The following TRIM36 variants were observed in gnomAD, a reference collection of about 807,000 sequenced individuals.
TRIM36 encodes E3 ubiquitin-protein ligase TRIM36.
A neutral mutation model predicts 72.4 loss-of-function variants in TRIM36; 42 were observed. That is an observed-to-expected ratio of 0.58 (90% CI 0.45 to 0.75). The LOEUF (loss-of-function observed/expected upper bound fraction) is 0.75, where lower values mean the gene tolerates loss of function less well. Ranked by LOEUF, TRIM36 falls within the 30% of genes least tolerant of loss-of-function variation. The probability of loss-of-function intolerance (pLI) is 0.00; values close to 1 mark genes in which losing one functional copy is unlikely to be tolerated. For missense variants in TRIM36, 913 were observed against 857.1 expected, an observed-to-expected ratio of 1.07 and a Z score of -0.81; for synonymous variants, 315 against 282.8, an observed-to-expected ratio of 1.11 and a Z score of -1.14.
Position 115,133,959 on chromosome 5 carries a change from C to T in TRIM36, c.1399G>A (p.Glu467Lys), listed in dbSNP as rs1380165741. The T allele has an allele frequency of 6.2e-7, 1 of 1,613,890 alleles. No homozygotes were observed. Among genetic ancestry groups the T allele is most frequent in the South Asian group, 1.1e-5 (1 of 91,038 alleles). Residue 467 changes from glutamate (E) to lysine (K), a missense_variant, in exon 8 of 10, where the codon GAA becomes AAA. Physicochemically the swap from Glu to Lys is moderately conservative, Grantham distance 56. Transcript: ENST00000513154. ...CGTSKIIQDLENSSTYAFRVR... is the reference protein window; with the variant it reads ...CGTSKIIQDLKNSSTYAFRVR... ...CTGAAAGCATAGGTACTACTGTTTT[C>T]CAAGTCTTGAATTATTTTACTTGTT...
chr5:115,176,585 T>A (rs368273294), intron 1 of TRIM36, among the ~76,000 whole-genome samples: 50 of 152,316 alleles, frequency 3.3e-4, no homozygotes, highest in African/African-American at 1.2e-3. Context: ...TATTTACACA[T>A]AAATGTAAAT....
At chr5:115,156,987 C>G (rs536674041) in intron 2 of TRIM36, among the ~76,000 whole-genome samples, 134 of 152,120 alleles carry the variant, frequency 8.8e-4, no homozygotes, top group Admixed American at 1.4e-3. Context: ...ACAATCCCAT[C>G]AAAAAGTGGG....
chr5:115,171,329 A>C, upstream of TRIM36: 6 of 1,487,042 alleles, frequency 4.0e-6, no homozygotes, highest in Non-Finnish European at 5.5e-6. Flanking sequence ...AAGCTTTGCC[A>C]GGTAATAATG....
At position 115,126,864 on chromosome 5, in the gene TRIM36, C is replaced by T; in HGVS notation, c.1797-7G>A. The T allele has an allele frequency of 6.3e-7, 1 of 1,599,138 alleles. No individual in the cohort carries two copies. Among genetic ancestry groups the T allele is most frequent in the Non-Finnish European group, 8.5e-7 (1 of 1,172,604 alleles). ...CCCACTGTCTTGCTCATATCTGAAA[C>T]ATAATACAAAGCATCTGTATCTTCA... is the stretch of plus-strand genomic sequence containing the variant. On this transcript the variant is annotated splice_polypyrimidine_tract_variant and splice_region_variant and intron_variant, in intron 9 of 9. Transcript: ENST00000513154.
chr5:115,148,898 T>C (rs934722606), intron 2 of TRIM36: 2 of 152,180 alleles, frequency 1.3e-5, no homozygotes, highest in African/African-American at 2.4e-5. Context: ...CCTTTGCATA[T>C]AACTGTCATC....
intron 1 of TRIM36, among the ~76,000 whole-genome samples, chr5:115,178,873 C>T (rs1366803883): frequency 6.6e-6 from 1 of 152,164 alleles, no homozygotes; most frequent in Non-Finnish European, 1.5e-5. Flanking sequence ...AAACCAGCTC[C>T]CCAGCCCTGG....
chr5:115,177,410 C>T (rs1464936828), intron 1 of TRIM36: 3 of 605,230 alleles, frequency 5.0e-6, no homozygotes, highest in Non-Finnish European at 6.5e-6. Context: ...GGCAGGCCAA[C>T]TACAGGCCTC....
intron 9 of TRIM36, among the ~76,000 whole-genome samples, chr5:115,127,772 T>A (rs1200235934): frequency 6.6e-6 from 1 of 152,208 alleles, no homozygotes. Context: ...TATGCAATGC[T>A]TTTATTGTTA....
At chr5:115,159,202 A>G (rs1754344917) in intron 2 of TRIM36, among the ~76,000 whole-genome samples, 1 of 152,228 alleles carries the variant, frequency 6.6e-6, no homozygotes, top group African/African-American at 2.4e-5. Flanking sequence ...CTCTATATGT[A>G]TAAAACGAGC....
chr5:115,160,744 G>A (rs528711779), intron 2 of TRIM36, among the ~76,000 whole-genome samples: 1 of 152,302 alleles, frequency 6.6e-6, no homozygotes, highest in African/African-American at 2.4e-5. Flanking sequence ...TATGTAGGAG[G>A]CTGAGGCAGG....
chr5:115,136,767 A>T (rs903157660), intron 7 of TRIM36, among the ~76,000 whole-genome samples: 2 of 152,258 alleles, frequency 1.3e-5, no homozygotes, highest in Non-Finnish European at 2.9e-5. Flanking sequence ...AATACATACA[A>T]CATAATGCTA....
chr5:115,170,766 A>AC (rs558638359), upstream of TRIM36, among the ~76,000 whole-genome samples: 184 of 151,884 alleles, frequency 1.2e-3, 1 homozygote, highest in Non-Finnish European at 2.2e-3. Context: ...CAAGGGAGAG[A>AC]CCCCCCGCCA....
intron 1 of TRIM36, chr5:115,168,905 G>C (rs188357598): frequency 1.3e-5 from 2 of 152,192 alleles, no homozygotes; most frequent in African/African-American, 2.4e-5. Flanking sequence ...CCATTTTCTT[G>C]TACATAAAGC....
At position 115,169,750 on chromosome 5, in the gene TRIM36, G is replaced by A. The variant is rs1754994781; in HGVS notation, c.-116C>T. The A allele has an allele frequency of 2.1e-6, 3 of 1,428,924 alleles. No individual in the cohort carries two copies. Among genetic ancestry groups the A allele is most frequent in the Admixed American group, 2.3e-5 (1 of 43,294 alleles). The allele number at this position is 1,428,924 out of a possible 1,614,324, so 88.5% of individuals were successfully genotyped here. ...GTGGAGCCTCGGTCCGAAGCTGGAA[G>A]ATGAGCTGGTCAGCTGTACGTGGCC... is the stretch of plus-strand genomic sequence containing the variant. On this transcript the variant is annotated 5_prime_UTR_variant, in exon 1 of 10. Transcript: ENST00000513154.
chr5:115,177,324 AT>A (rs1755380991), intron 1 of TRIM36: 1 of 182,378 alleles, frequency 5.5e-6, no homozygotes, highest in African/African-American at 2.4e-5. Context: ...GATGAAACAA[AT>A]CTGGGGGAAA....
Position 115,126,517 on chromosome 5 carries a change from G to T in TRIM36, c.2137C>A (p.Gln713Lys), listed in dbSNP as rs3749745. ...AGATGTTTCAACTACATGTCCTCTT[G>T]GTATTCCAGATATTTTGCTGTGATG... ...EPITAKYLEYQEDM is the reference protein window; with the variant it reads ...EPITAKYLEYKEDM The change falls in exon 10 of 10, where the codon CAA (glutamine) becomes AAA (lysine). Residue 713 changes from glutamine (Q) to lysine (K), a missense_variant. By Grantham distance (53) the Gln-to-Lys change is moderately conservative (BLOSUM62 1). Transcript: ENST00000513154. 6.2e-7 allele frequency: 1 copy of T among 1,606,928 alleles called. No individual in the cohort carries two copies. Among genetic ancestry groups the T allele is most frequent in the African/African-American group, 1.3e-5 (1 of 74,752 alleles).
intron 1 of TRIM36, among the ~76,000 whole-genome samples, chr5:115,164,591 C>G (rs2126934598): frequency 6.6e-6 from 1 of 152,302 alleles, no homozygotes; most frequent in South Asian, 2.1e-4. Context: ...ATCACAAGAA[C>G]AGCATGGGGA....
At chr5:115,145,964 A>G (rs73251518) in intron 3 of TRIM36, among the ~76,000 whole-genome samples, 7,335 of 152,272 alleles carry the variant, frequency 0.048, 642 homozygotes, top group African/African-American at 0.17. Context: ...GAATTTTACT[A>G]TATTGAGTAG....
At chr5:115,141,763 C>T (rs1202223291) in intron 4 of TRIM36, among the ~76,000 whole-genome samples, 4 of 152,108 alleles carry the variant, frequency 2.6e-5, no homozygotes, top group Non-Finnish European at 5.9e-5. Flanking sequence ...TTTACTCTCA[C>T]AAACACCCAC....
Sources: allele counts gnomAD v4.1 joint callset (sites outside exome capture counted in the v4.1 genomes callset), GRCh38; gene constraint gnomAD v4.1.1; transcripts MANE v1.5; gene names NCBI Gene and HGNC (gene_info 2026-07-23, HGNC 2026-07-21).